Variants in FNDC11 observed in about 807,000 individuals in gnomAD.
FNDC11 encodes the protein fibronectin type III domain containing 11.
FNDC11 carries 15 observed loss-of-function variants against 15.8 expected under a neutral mutation model. That is an observed-to-expected ratio of 0.95 (90% CI 0.63 to 1.46). The LOEUF is 1.46. FNDC11 is among the 40% of genes most tolerant of loss of function. FNDC11 has a pLI of 0.00. For synonymous variants in FNDC11, 190 were observed against 203.1 expected (o/e 0.94, Z 0.55); for missense variants, 416 against 443.4 (o/e 0.94, Z 0.55).
chr20:63,555,554 G>A, intron 1 of FNDC11, 100 bp from the exon 2 acceptor site: 1 of 1,448,168 alleles, frequency 6.9e-7, no homozygotes, highest in East Asian at 2.5e-5. Context: ...GAAGGACAGA[G>A]GTCCAGCATG....
At chr20:63,553,680 G>C (rs978436314), upstream of FNDC11, 2 of 157,130 alleles carry the variant, frequency 1.3e-5, no homozygotes, top group African/African-American at 4.8e-5. Context: ...AGCCTGTAAT[G>C]GGTGGCATCT....
In FNDC11 at chr20:63,554,213, G is replaced by T; in HGVS notation, c.-11+7G>T. 1 of 153,158 alleles carries T rather than the reference G, an allele frequency of 6.5e-6. No homozygotes were observed. Among genetic ancestry groups the T allele is most frequent in the South Asian group, 1.8e-4 (1 of 5,420 alleles). 9.5% of individuals were successfully genotyped at this position (153,158 alleles called of 1,614,324 possible). A position where few individuals can be genotyped will look rare whatever the true frequency, so the allele number is the denominator to read the frequency against. On this transcript the variant is annotated splice_region_variant and intron_variant, in intron 1 of 1. Transcript: ENST00000370097. Reference sequence around the variant, plus strand: ...GCTCCGCTTCAGAGGCAGGGCAAGTGGGCGCGGTCCTGGGGCGGCGGCGGG... The same window carrying T: ...GCTCCGCTTCAGAGGCAGGGCAAGTTGGCGCGGTCCTGGGGCGGCGGCGGG...
upstream of FNDC11, chr20:63,553,755 G>C (rs2082781351): frequency 6.5e-6 from 1 of 152,772 alleles, no homozygotes; most frequent in African/African-American, 2.4e-5. Flanking sequence ...CCTCTGTCCA[G>C]GCGCTGGGTG....
intron 1 of FNDC11, 132 bp from the exon 2 acceptor site, chr20:63,555,522 C>T: frequency 7.2e-7 from 1 of 1,387,826 alleles, no homozygotes; most frequent in South Asian, 1.5e-5. Context: ...GCAGCCTCTT[C>T]CCATCGAGTT....
intron 1 of FNDC11, chr20:63,555,067 G>T (rs1420833414): frequency 6.5e-6 from 1 of 153,142 alleles, no homozygotes; most frequent in Non-Finnish European, 1.5e-5. Context: ...CAGGATCCCG[G>T]GTCCACAGCG....
At chr20:63,553,460 G>A (rs1296337095), upstream of FNDC11, among the ~76,000 whole-genome samples, 1 of 149,036 alleles carries the variant, frequency 6.7e-6, no homozygotes, top group Non-Finnish European at 1.5e-5. Flanking sequence ...GTGGTGGGAA[G>A]ACCCTGTGGT....
At chr20:63,553,951 C>T (rs1242488473), upstream of FNDC11, 9 of 152,314 alleles carry the variant, frequency 5.9e-5, no homozygotes, top group East Asian at 1.2e-3. Context: ...GGGACGGGAA[C>T]CCCCCTTGGA....
chr20:63,555,649 C>T lies in FNDC11; in HGVS notation c.-10-5C>T, dbSNP rs764141769. On this transcript the variant is annotated splice_region_variant and splice_polypyrimidine_tract_variant and intron_variant, in intron 1 of 1. Coordinates refer to ENST00000370097, the MANE Select transcript of FNDC11 (RefSeq NM_001319152.2). ...CTGGCAGCTGACACCCAGCCCTCCC[C>T]CCAGCTCCCGGATAATGAGCACCCA... The T allele has an allele frequency of 1.3e-6, 2 of 1,591,146 alleles. No homozygotes were observed. Among genetic ancestry groups the T allele is most frequent in the Admixed American group, 1.7e-5 (1 of 59,016 alleles).
upstream of FNDC11, among the ~76,000 whole-genome samples, chr20:63,553,338 C>T (rs2082774711): frequency 6.6e-6 from 1 of 152,042 alleles, no homozygotes; most frequent in Non-Finnish European, 1.5e-5. Flanking sequence ...GGAAGGAGCC[C>T]ATGGTGGGAG....
rs780528708 is a variant in FNDC11, at chr20:63,555,928, G to A, written c.265G>A (p.Asp89Asn). 1.2e-6 allele frequency: 2 copies of A among 1,605,768 alleles called. No individual in the cohort carries two copies. Among genetic ancestry groups the A allele is most frequent in the East Asian group, 2.2e-5 (1 of 44,882 alleles). ...EVLPKHLALGDQNPLVLPSAL... is the reference protein window; with the variant it reads ...EVLPKHLALGNQNPLVLPSAL... The stretch of plus-strand genomic sequence containing the variant: ...CCTGCCCAAGCACCTGGCCCTGGGC[G>A]ACCAGAACCCGCTGGTGCTGCCTAG... Residue 89 changes from aspartate (D) to asparagine (N), a missense_variant, in exon 2 of 2, where the codon GAC (aspartate) becomes AAC (asparagine). Physicochemically the swap from Asp to Asn is conservative, Grantham distance 23 (BLOSUM62 1). Transcript: ENST00000370097.
chr20:63,555,846 C>G lies in FNDC11; in HGVS notation c.183C>G (p.Leu61=), dbSNP rs981484737. Residue 61 remains leucine (L), a synonymous_variant, in exon 2 of 2, where the codon CTC becomes CTG. Transcript: ENST00000370097. ...FLTSDLSPHL[L]KRHHARMQLL... ...CCTCGGACCTGAGTCCGCACCTGCTCAAGCGCCACCACGCCCGCATGCAGC... is the reference window on the plus strand; with the variant it reads ...CCTCGGACCTGAGTCCGCACCTGCTGAAGCGCCACCACGCCCGCATGCAGC... 5 of 1,613,188 alleles carry G rather than the reference C, an allele frequency of 3.1e-6. No individual in the cohort carries two copies. The Admixed American group carries it at 6.7e-5, about 22-fold the overall frequency.
At position 63,555,992 on chromosome 20, in the gene FNDC11, G is replaced by T. The variant is rs201386765; in HGVS notation, c.329G>T (p.Arg110Leu). 2.5e-6 allele frequency: 4 copies of T among 1,600,356 alleles called. No individual in the cohort carries two copies. The African/African-American group carries it at 5.3e-5, about 21-fold the overall frequency. The stretch of plus-strand genomic sequence containing the variant: ...CTCATCGACCCCTGGAAGTTCCAGC[G>T]CATGAAGAAGGTGGGCACAGCTCAG... ...FQLIDPWKFQ[R>L]MKKVGTAQTK... is the part of the protein sequence containing the mutation. The change falls in exon 2 of 2, where the codon CGC becomes CTC. Residue 110 changes from arginine (R) to leucine (L), a missense_variant. Coordinates refer to ENST00000370097, the MANE Select transcript of FNDC11 (RefSeq NM_001319152.2).
In FNDC11 at chr20:63,556,218, GC is replaced by G; in HGVS notation, c.556del (p.His186ThrfsTer19). The G allele has an allele frequency of 6.3e-7, 1 of 1,594,886 alleles. No homozygotes were observed. Among genetic ancestry groups the G allele is most frequent in the African/African-American group, 1.3e-5 (1 of 74,792 alleles). On this transcript the variant is annotated frameshift_variant, in exon 2 of 2. Coordinates refer to ENST00000370097, the MANE Select transcript of FNDC11 (RefSeq NM_001319152.2). LOFTEE classifies it high-confidence loss of function. ...MMVPGRLHVK[H>X]RLVSDVSATK... is the part of the protein sequence containing the mutation. ...TGGTGCCGGGGCGGCTACACGTCAAGCACCGCCTGGTGTCTGATGTCAGTGC... is the reference window on the plus strand; with the variant it reads ...TGGTGCCGGGGCGGCTACACGTCAAGACCGCCTGGTGTCTGATGTCAGTGC...
rs1252865172 is a variant in FNDC11, at chr20:63,555,799, A to G, written c.136A>G (p.Asn46Asp). 5 of 1,613,426 alleles carry G rather than the reference A, an allele frequency of 3.1e-6. No individual in the cohort carries two copies. The highest frequency in any genetic ancestry group is 2.7e-5 in the African/African-American group (2 of 74,936). ...EAWKTYTERR[N>D]ALREFLTSDL... ...GTGGAAGACCTACACCGAGCGCCGC[A>G]ATGCCCTGCGTGAGTTCCTGACCTC... is the stretch of plus-strand genomic sequence containing the variant. The change falls in exon 2 of 2, where the codon AAT becomes GAT. Residue 46 changes from asparagine to aspartate, a missense_variant. Asn to Asp is a conservative substitution (Grantham distance 23). Transcript: ENST00000370097.
Position 63,555,978 on chromosome 20 carries a change from C to T in FNDC11, c.315C>T (p.Pro105=), listed in dbSNP as rs545581062. ...LPSALFQLID[P]WKFQRMKKVG... ...GCGCCTTGTTCCAGCTCATCGACCCCTGGAAGTTCCAGCGCATGAAGAAGG... is the reference window on the plus strand; with the variant it reads ...GCGCCTTGTTCCAGCTCATCGACCCTTGGAAGTTCCAGCGCATGAAGAAGG... The change falls in exon 2 of 2, where the codon CCC becomes CCT. Residue 105 remains proline (P), a synonymous_variant. Coordinates refer to ENST00000370097, the MANE Select transcript of FNDC11 (RefSeq NM_001319152.2). The T allele has an allele frequency of 3.9e-4, 629 of 1,601,142 alleles. 2 individuals are homozygous for T. In the South Asian group the frequency reaches 6.4e-3, roughly 16 times the overall value.
chr20:63,554,298 A>T, intron 1 of FNDC11, 92 bp downstream of exon 1: 1 of 150,748 alleles, frequency 6.6e-6, no homozygotes, highest in South Asian at 2.0e-4. Flanking sequence ...GCGGCCGGGG[A>T]GGTGGGCCCG....
At chr20:63,555,248 G>A (rs145560703) in intron 1 of FNDC11, 130 of 180,684 alleles carry the variant, frequency 7.2e-4, no homozygotes, top group Middle Eastern at 2.7e-3. Flanking sequence ...AGGATGGCCC[G>A]CGAATGTCCC....
At position 63,556,042 on chromosome 20, in the gene FNDC11, G is replaced by A. The variant is rs139859545; in HGVS notation, c.379G>A (p.Gly127Arg). Residue 127 changes from glycine (G) to arginine (R), a missense_variant, in exon 2 of 2, where the codon GGG becomes AGG. Coordinates refer to ENST00000370097, the MANE Select transcript of FNDC11 (RefSeq NM_001319152.2). ...GACCAAGATCCAGCTCCTGCTGCTC[G>A]GGGACCTGTTGGAACAGCTCGACCA... is the stretch of plus-strand genomic sequence containing the variant. ...AQTKIQLLLL[G>R]DLLEQLDHGR... 4.1e-4 allele frequency: 663 copies of A among 1,599,950 alleles called. No individual in the cohort carries two copies. The highest frequency in any genetic ancestry group is 5.1e-4 in the Non-Finnish European group (607 of 1,179,938).
chr20:63,556,466 TC>T lies in FNDC11; in HGVS notation c.804del (p.Phe268LeufsTer54). ...GTCATCCCCGTGGCTGCCTGCACCT[TC>T]GACGTCCGAAACCTGCTGCCCAACC... is the stretch of plus-strand genomic sequence containing the variant. ...CGVIPVAACT[F>X]DVRNLLPNRS... On this transcript the variant is annotated frameshift_variant, in exon 2 of 2. Coordinates refer to ENST00000370097, the MANE Select transcript of FNDC11 (RefSeq NM_001319152.2). LOFTEE classifies it high-confidence loss of function. The T allele has an allele frequency of 1.2e-6, 2 of 1,613,568 alleles. No homozygotes were observed. The highest frequency in any genetic ancestry group is 1.7e-6 in the Non-Finnish European group (2 of 1,180,020).
Sources: allele counts gnomAD v4.1 joint callset (sites outside exome capture counted in the v4.1 genomes callset), GRCh38; gene constraint gnomAD v4.1.1; transcripts MANE v1.5; gene names NCBI Gene and HGNC (gene_info 2026-07-23, HGNC 2026-07-21).